The following CIP2A variants were observed in gnomAD, a reference collection of about 807,000 sequenced individuals.
The protein encoded by CIP2A is cellular inhibitor of PP2A, also known as protein CIP2A.
In CIP2A, 103 loss-of-function variants were observed where a neutral mutation model predicts 110.9. The observed-to-expected ratio is 0.93, with a 90% CI of 0.79 to 1.09. The LOEUF (loss-of-function observed/expected upper bound fraction) is 1.09. Ranked by LOEUF, CIP2A falls within the 50% of genes least tolerant of loss-of-function variation. The pLI, the probability that CIP2A is intolerant of heterozygous loss-of-function variation, is 0.00. For synonymous variants in CIP2A, 381 were observed against 361.6 expected (o/e 1.05, Z -0.61); for missense variants, 1,088 against 1,038.4 (o/e 1.05, Z -0.66).
Position 108,582,991 on chromosome 3 carries a change from A to T in CIP2A, c.343T>A (p.Ser115Thr). Reference protein sequence around the residue: ...GVVCRSSHTDSVFLQCIQLLQ... With the variant: ...GVVCRSSHTDTVFLQCIQLLQ... ...GGTCTGTATACCTGCAAAAACACCG[A>T]ATCAGTGTGGCTGCTCCGACAAACC... The change falls in exon 3 of 21, where the codon TCG (serine) becomes ACG (threonine). Residue 115 changes from serine (S) to threonine (T), a missense_variant. Transcript: ENST00000295746. The T allele has an allele frequency of 2.5e-6, 4 of 1,608,818 alleles. No individual in the cohort carries two copies. Among genetic ancestry groups the T allele is most frequent in the Non-Finnish European group, 3.4e-6 (4 of 1,176,732 alleles).
chr3:108,580,553 G>C (rs35023560), intron 5 of CIP2A, among the ~76,000 whole-genome samples: 1 of 151,518 alleles, frequency 6.6e-6, no homozygotes, highest in Admixed American at 6.6e-5. Flanking sequence ...AAAATCGAAC[G>C]GGTAATGCTG....
chr3:108,559,360 AT>A (rs1937920215), intron 16 of CIP2A, among the ~76,000 whole-genome samples: 1 of 152,130 alleles, frequency 6.6e-6, no homozygotes, highest in Non-Finnish European at 1.5e-5. Flanking sequence ...AGTTTGTGGT[AT>A]TTGCTGTATA....
At chr3:108,575,309 CACACGTGCAT>C (rs1938541588) in intron 8 of CIP2A, among the ~76,000 whole-genome samples, 1 of 146,462 alleles carries the variant, frequency 6.8e-6, no homozygotes, top group Non-Finnish European at 1.5e-5. Flanking sequence ...TGTACGTACA[CACACGTGCAT>C]GTACACACAC....
intron 16 of CIP2A, among the ~76,000 whole-genome samples, chr3:108,558,437 T>C (rs1374491671): frequency 6.6e-6 from 1 of 152,124 alleles, no homozygotes; most frequent in African/African-American, 2.4e-5. Context: ...TTCATATTAC[T>C]GCAGTAAGTT....
intron 17 of CIP2A, 40 bp from the exon 18 acceptor site, chr3:108,554,529 A>C: frequency 1.2e-6 from 1 of 814,666 alleles, no homozygotes; most frequent in Admixed American, 2.5e-5. Flanking sequence ...ATTATGGAGG[A>C]AAACATATGA....
chr3:108,581,094 C>T (rs898962029), intron 5 of CIP2A, among the ~76,000 whole-genome samples: 2 of 152,172 alleles, frequency 1.3e-5, no homozygotes, highest in Admixed American at 1.3e-4. Context: ...CAGTGATGTG[C>T]CTCCCTTCTA....
In CIP2A at chr3:108,589,333, TGACA is replaced by T. The variant is rs755975243; in HGVS notation, c.39_42del (p.Gln16ThrfsTer4). 5 of 1,614,082 alleles carry T rather than the reference TGACA, an allele frequency of 3.1e-6. No individual in the cohort carries two copies. In the South Asian group the frequency reaches 4.4e-5, roughly 14 times the overall value. On this transcript the variant is annotated frameshift_variant, in exon 1 of 21. Transcript: ENST00000295746. LOFTEE classifies it high-confidence loss of function. ...TCTGACTTCACGGCTTTGTACTGACTGACAGTCAGGAGCAAGGACTTCAAGCAGG... is the reference window on the plus strand; with the variant it reads ...TCTGACTTCACGGCTTTGTACTGACTGTCAGGAGCAAGGACTTCAAGCAGG...
At chr3:108,556,378 T>C (rs1937802102) in intron 17 of CIP2A, among the ~76,000 whole-genome samples, 1 of 152,164 alleles carries the variant, frequency 6.6e-6, no homozygotes, top group Non-Finnish European at 1.5e-5. Flanking sequence ...GTCTTCCCTG[T>C]AATTCAGAAG....
intron 4 of CIP2A, 137 bp from the exon 5 acceptor site, chr3:108,581,648 T>A: frequency 1.7e-6 from 1 of 597,156 alleles, no homozygotes; most frequent in Non-Finnish European, 2.9e-6. Context: ...AAAAACTAAT[T>A]AACATAAGAA....
intron 12 of CIP2A, 51 bp from the exon 13 acceptor site, chr3:108,563,295 C>T (rs761813612): frequency 5.5e-6 from 6 of 1,092,592 alleles, no homozygotes; most frequent in Non-Finnish European, 5.6e-6. Context: ...TAAACAATGT[C>T]AGCTCTTTTA....
intron 18 of CIP2A, among the ~76,000 whole-genome samples, chr3:108,554,092 C>A (rs1034365999): frequency 6.6e-6 from 1 of 151,646 alleles, no homozygotes; most frequent in Non-Finnish European, 1.5e-5. Context: ...TACAGAGTTT[C>A]GCCATGTTGG....
chr3:108,585,738 A>G (rs1440926020), intron 1 of CIP2A: 2 of 456,610 alleles, frequency 4.4e-6, no homozygotes, highest in Non-Finnish European at 8.8e-6. Flanking sequence ...CTTCCCAAAG[A>G]CAATAGGTGA....
chr3:108,582,547 T>C (rs1414633028), intron 3 of CIP2A, among the ~76,000 whole-genome samples: 1 of 152,206 alleles, frequency 6.6e-6, no homozygotes, highest in Non-Finnish European at 1.5e-5. Flanking sequence ...TTTTCTTTCT[T>C]ACAATTGATG....
intron 8 of CIP2A, among the ~76,000 whole-genome samples, chr3:108,572,134 ATTCT>A (rs1160015164): frequency 2.0e-5 from 3 of 152,098 alleles, no homozygotes; most frequent in African/African-American, 7.2e-5. Flanking sequence ...ATCTATTCCC[ATTCT>A]TTGACTTTTC....
chr3:108,551,385 T>C, intron 20 of CIP2A, 66 bp from the exon 21 acceptor site: 11 of 1,161,282 alleles, frequency 9.5e-6, no homozygotes, highest in Non-Finnish European at 1.3e-5. Flanking sequence ...GTTTTCTCTA[T>C]ACATATATTT....
intron 17 of CIP2A, among the ~76,000 whole-genome samples, chr3:108,556,525 G>T (rs1937806534): frequency 1.3e-5 from 2 of 152,086 alleles, no homozygotes; most frequent in Non-Finnish European, 2.9e-5. Flanking sequence ...AATCAAAAGT[G>T]CTCCAAAATA....
chr3:108,585,025 C>T, intron 2 of CIP2A, 40 bp downstream of exon 2: 1 of 1,570,142 alleles, frequency 6.4e-7, no homozygotes, highest in South Asian at 1.2e-5. Context: ...ATTGTTCATA[C>T]ATCTTCCAAA....
rs2083878268 is a variant in CIP2A, at chr3:108,550,116, T to C, written c.*1033A>G. On this transcript the variant is annotated 3_prime_UTR_variant, in exon 21 of 21. Coordinates refer to ENST00000295746, the MANE Select transcript of CIP2A (RefSeq NM_020890.3). The stretch of plus-strand genomic sequence containing the variant: ...CAAGTAAAATTAATGACTGTATTGG[T>C]ATAGCAATAAAATCAATCAAAATAT... 1 of 151,938 alleles carries C rather than the reference T, an allele frequency of 6.6e-6. No individual in the cohort carries two copies. The highest frequency in any genetic ancestry group is 1.5e-5 in the Non-Finnish European group (1 of 67,880). 9.4% of individuals were successfully genotyped at this position (151,938 alleles called of 1,614,324 possible).
At chr3:108,577,522 TG>T (rs1483480421) in intron 7 of CIP2A, among the ~76,000 whole-genome samples, 2 of 152,272 alleles carry the variant, frequency 1.3e-5, no homozygotes, top group African/African-American at 4.8e-5. Context: ...TCCAATCAAA[TG>T]GGGCTCCATT....
Sources: gnomAD v4.1 joint callset for allele counts (sites outside exome capture counted in the v4.1 genomes callset) on GRCh38, gnomAD v4.1.1 for gene constraint, MANE v1.5 for transcripts, NCBI Gene and HGNC (gene_info 2026-07-23, HGNC 2026-07-21) for gene names.